Variants in SCD5 observed in about 807,000 individuals in gnomAD.
The protein encoded by SCD5 is stearoyl-CoA desaturase 5, also known as acyl-CoA-desaturase 4.
SCD5 carries 20 observed loss-of-function variants against 30.4 expected under a neutral mutation model. That is an observed-to-expected ratio of 0.66 (90% CI 0.46 to 0.96). The LOEUF is 0.96. SCD5 is among the 40% of genes least tolerant of loss of function. SCD5 has a pLI of 0.00. For synonymous variants in SCD5, 173 were observed against 176.4 expected (o/e 0.98, Z 0.16); for missense variants, 381 against 443.3 (o/e 0.86, Z 1.26).
chr4:82,773,026 C>T (rs1218068179), intron 1 of SCD5, among the ~76,000 whole-genome samples: 5 of 152,164 alleles, frequency 3.3e-5, no homozygotes, highest in Non-Finnish European at 7.3e-5. Flanking sequence ...TCTCATAGAA[C>T]TGCAATGCAT....
At chr4:82,689,462 G>C (rs962724784) in intron 2 of SCD5, among the ~76,000 whole-genome samples, 8 of 152,256 alleles carry the variant, frequency 5.3e-5, no homozygotes, top group Non-Finnish European at 8.8e-5. Context: ...TCATTAAAAT[G>C]AATAATGACA....
At chr4:82,686,671 A>G (rs1728713462) in intron 2 of SCD5, among the ~76,000 whole-genome samples, 1 of 152,210 alleles carries the variant, frequency 6.6e-6, no homozygotes, top group East Asian at 1.9e-4. Flanking sequence ...TATATACATG[A>G]AAGAAATAGT....
intron 1 of SCD5, among the ~76,000 whole-genome samples, chr4:82,758,837 C>T: frequency 6.6e-6 from 1 of 152,168 alleles, no homozygotes; most frequent in Admixed American, 6.5e-5. Flanking sequence ...TGACAGCACA[C>T]GACACAAAGG....
At chr4:82,776,751 G>A (rs1721752724) in intron 1 of SCD5, among the ~76,000 whole-genome samples, 1 of 152,198 alleles carries the variant, frequency 6.6e-6, no homozygotes, top group Non-Finnish European at 1.5e-5. Context: ...TATGGAGAAA[G>A]GCTATGCCTT....
chr4:82,751,477 A>C (rs775009704), intron 1 of SCD5, among the ~76,000 whole-genome samples: 12 of 152,210 alleles, frequency 7.9e-5, no homozygotes, highest in Non-Finnish European at 1.5e-4. Flanking sequence ...CTAAATCTTT[A>C]AATCTCTTAG....
intron 1 of SCD5, among the ~76,000 whole-genome samples, chr4:82,713,331 A>G (rs1180913346): frequency 6.6e-6 from 1 of 152,204 alleles, no homozygotes; most frequent in African/African-American, 2.4e-5. Flanking sequence ...CAGCTTATAT[A>G]GCAATAAGCA....
At chr4:82,779,416 G>C in intron 1 of SCD5, among the ~76,000 whole-genome samples, 1 of 152,210 alleles carries the variant, frequency 6.6e-6, no homozygotes. Flanking sequence ...CCTGAATGTC[G>C]ACACTTTGAT....
chr4:82,710,190 T>C (rs1286259514), intron 1 of SCD5, among the ~76,000 whole-genome samples: 5 of 152,170 alleles, frequency 3.3e-5, no homozygotes, highest in Non-Finnish European at 7.4e-5. Flanking sequence ...CGGCAGATGA[T>C]TCTGATGCAA....
At chr4:82,778,368 T>G (rs1038813994) in intron 1 of SCD5, among the ~76,000 whole-genome samples, 1 of 152,222 alleles carries the variant, frequency 6.6e-6, no homozygotes, top group African/African-American at 2.4e-5. Flanking sequence ...CTATTGCTAC[T>G]GTAATGAACT....
At chr4:82,691,959 C>G (rs1002088771) in intron 2 of SCD5, 3 of 152,282 alleles carry the variant, frequency 2.0e-5, no homozygotes, top group Non-Finnish European at 4.4e-5. Context: ...CATTTTGAGT[C>G]ACCTCTCTTG....
intron 1 of SCD5, among the ~76,000 whole-genome samples, chr4:82,760,146 A>AC (rs1181890642): frequency 6.6e-6 from 1 of 151,898 alleles, no homozygotes; most frequent in Non-Finnish European, 1.5e-5. Context: ...TTTGCAAGAA[A>AC]CCCCACGCCT....
chr4:82,707,664 T>C (rs1225389037), intron 1 of SCD5, among the ~76,000 whole-genome samples: 3 of 152,226 alleles, frequency 2.0e-5, no homozygotes, highest in Non-Finnish European at 4.4e-5. Context: ...TGGCAAAGAA[T>C]TGAGGATTCC....
chr4:82,674,385 A>G (rs1728391849), intron 3 of SCD5, among the ~76,000 whole-genome samples: 1 of 152,202 alleles, frequency 6.6e-6, no homozygotes, highest in Non-Finnish European at 1.5e-5. Context: ...CAATAAGCTT[A>G]TCTCATCAGG....
intron 2 of SCD5, among the ~76,000 whole-genome samples, chr4:82,685,416 T>A (rs1301823802): frequency 6.6e-6 from 1 of 151,866 alleles, no homozygotes; most frequent in Non-Finnish European, 1.5e-5. Context: ...ATTAATAAAA[T>A]AAAAGGTGAA....
At chr4:82,676,095 C>T (rs1291115526) in intron 3 of SCD5, among the ~76,000 whole-genome samples, 1 of 152,132 alleles carries the variant, frequency 6.6e-6, no homozygotes, top group African/African-American at 2.4e-5. Flanking sequence ...CAGCAATGTG[C>T]TCCCTTCAGC....
At chr4:82,649,953 T>A (rs1727711920) in intron 3 of SCD5, among the ~76,000 whole-genome samples, 1 of 152,224 alleles carries the variant, frequency 6.6e-6, no homozygotes, top group African/African-American at 2.4e-5. Flanking sequence ...CTTCCCTGCC[T>A]CATCCCGGGA....
intron 3 of SCD5, among the ~76,000 whole-genome samples, chr4:82,646,063 C>CAGCCTG (rs1330832910): frequency 2.0e-5 from 3 of 152,096 alleles, no homozygotes. Context: ...CCAAGGGGGC[C>CAGCCTG]AGCCTGAGGA....
intron 1 of SCD5, among the ~76,000 whole-genome samples, chr4:82,728,922 G>A (rs924731471): frequency 6.6e-6 from 1 of 152,198 alleles, no homozygotes; most frequent in Admixed American, 6.5e-5. Context: ...AGGGCTACAG[G>A]CTGTGGTGAC....
At chr4:82,708,681 T>C (rs931563646) in intron 1 of SCD5, among the ~76,000 whole-genome samples, 2 of 152,158 alleles carry the variant, frequency 1.3e-5, no homozygotes, top group African/African-American at 4.8e-5. Flanking sequence ...TGGTACATTG[T>C]TTTGATAATG....
Sources: gnomAD v4.1 joint callset for allele counts (sites outside exome capture counted in the v4.1 genomes callset) on GRCh38, gnomAD v4.1.1 for gene constraint, MANE v1.5 for transcripts, NCBI Gene and HGNC (gene_info 2026-07-23, HGNC 2026-07-21) for gene names.